Variants in SDK2 observed in about 807,000 individuals in gnomAD.
The protein encoded by SDK2 is protein sidekick-2.
Under a neutral mutation model 253.9 loss-of-function variants are expected in SDK2, and 105 were observed. The ratio of observed to expected loss-of-function variants is 0.41; its 90% confidence interval spans 0.35 to 0.49. The LOEUF is 0.49. SDK2 is among the 20% of genes least tolerant of loss of function. The pLI, the probability that SDK2 is intolerant of heterozygous loss-of-function variation, is 0.06. For synonymous variants in SDK2, 1,249 were observed against 1,234.9 expected (o/e 1.01, Z -0.24); for missense variants, 2,608 against 3,003.0 (o/e 0.87, Z 3.07).
intron 16 of SDK2, among the ~76,000 whole-genome samples, chr17:73,417,797 A>G (rs1256274105): frequency 6.6e-6 from 1 of 152,120 alleles, no homozygotes; most frequent in African/African-American, 2.4e-5. Context: ...TCCACTGGCA[A>G]AAAGAACTCA....
chr17:73,416,214 T>TTTTTTTTTTTTG (rs2063181270), intron 16 of SDK2, among the ~76,000 whole-genome samples: 1 of 150,982 alleles, frequency 6.6e-6, no homozygotes, highest in African/African-American at 2.4e-5. Flanking sequence ...TTTTTTTTTT[T>TTTTTTTTTTTTG]GAGACGGAGT....
Position 73,507,575 on chromosome 17 carries a change from C to T in SDK2, c.87G>A (p.Lys29=), listed in dbSNP as rs2063946081. ...GCACCTGTGTCCGCACAGGCTCTGTCTTGAAATACGGGGACACATCATCTG... is the reference window on the plus strand; with the variant it reads ...GCACCTGTGTCCGCACAGGCTCTGTTTTGAAATACGGGGACACATCATCTG... ...RAQDDVSPYF[K]TEPVRTQVHL... is the part of the protein sequence containing the mutation. The change falls in exon 2 of 45, where the codon AAG becomes AAA. Residue 29 remains lysine, a synonymous_variant. Transcript: ENST00000392650. The T allele has an allele frequency of 2.6e-6, 4 of 1,551,612 alleles. No individual in the cohort carries two copies. The highest frequency in any genetic ancestry group is 1.4e-5 in the African/African-American group (1 of 73,164).
At position 73,507,536 on chromosome 17, in the gene SDK2, G is replaced by A. The variant is rs755561715; in HGVS notation, c.126C>T (p.Asn42=). The A allele has an allele frequency of 5.8e-6, 9 of 1,551,706 alleles. No homozygotes were observed. In the South Asian group the frequency reaches 8.3e-5, roughly 14 times the overall value. The change falls in exon 2 of 45, where the codon AAC becomes AAT. Residue 42 remains asparagine (N), a synonymous_variant. Transcript: ENST00000392650. The stretch of plus-strand genomic sequence containing the variant: ...CGGCCATGCATGTAAGCACCAGGCG[G>A]TTTCCTTCCAAGTGCACCTGTGTCC... The part of the protein sequence containing the change: ...PVRTQVHLEG[N]RLVLTCMAEG...
chr17:73,468,249 T>C (rs1204605073), intron 3 of SDK2, among the ~76,000 whole-genome samples: 3 of 152,200 alleles, frequency 2.0e-5, no homozygotes, highest in African/African-American at 7.2e-5. Flanking sequence ...CTTAAGGTGA[T>C]AATATAGAGT....
Position 73,383,483 on chromosome 17 carries a change from C to T in SDK2, c.4705+393G>A, listed in dbSNP as rs951494654. On this transcript the variant is annotated intron_variant, in intron 33 of 44. Coordinates refer to ENST00000392650, the MANE Select transcript of SDK2 (RefSeq NM_001144952.2). The surrounding 1 kb of genome is among the most constrained non-coding windows in gnomAD (Gnocchi z 4.3). Reference sequence around the variant, plus strand: ...TCCTTCTCATGCACCGGGCTGTCCCCGTCCCTTTGTCCTGGTTAACTTGGC... The same window carrying T: ...TCCTTCTCATGCACCGGGCTGTCCCTGTCCCTTTGTCCTGGTTAACTTGGC... Among the ~76,000 whole-genome samples, 6 of 152,208 alleles carry T rather than the reference C, an allele frequency of 3.9e-5. No homozygotes were observed. In the South Asian group the frequency reaches 6.2e-4, roughly 16 times the overall value.
intron 9 of SDK2, 77 bp from the exon 10 acceptor site, chr17:73,433,925 GC>G: frequency 1.0e-6 from 1 of 1,001,636 alleles, no homozygotes; most frequent in Non-Finnish European, 1.4e-6. Context: ...GGGCCTCCAA[GC>G]CCACCGAGGG....
chr17:73,545,121 A>G (rs902526930), intron 1 of SDK2, among the ~76,000 whole-genome samples: 2 of 150,644 alleles, frequency 1.3e-5, no homozygotes, highest in Non-Finnish European at 3.0e-5. Context: ...ACACACACAC[A>G]CACACAAAGT....
rs2063428361 is a variant in SDK2 at position 73,443,110 on chromosome 17, GGTGACA to G, written c.614-2193_614-2188del. Among the ~76,000 whole-genome samples the G allele has an allele frequency of 2.0e-5, 3 of 152,244 alleles. No homozygotes were observed. The South Asian group carries it at 6.2e-4, about 32-fold the overall frequency. On this transcript the variant is annotated intron_variant, in intron 5 of 44. Transcript: ENST00000392650. This position sits in a 1 kb window ranked among gnomAD's most constrained non-coding sequence, Gnocchi z 4.6. ...GCCATGATGACATGCTGGGCCCTGC[GGTGACA>G]GTGACAGGCTGTTCTTTATGGGGTT...
intron 1 of SDK2, among the ~76,000 whole-genome samples, chr17:73,571,546 G>A (rs138271867): frequency 6.6e-6 from 1 of 152,170 alleles, no homozygotes. Flanking sequence ...CCCCCCGGGC[G>A]CTCTAAGCAG....
chr17:73,361,800 A>G lies in SDK2; in HGVS notation c.5351T>C (p.Leu1784Pro). 1.2e-6 allele frequency: 2 copies of G among 1,608,694 alleles called. No homozygotes were observed. The highest frequency in any genetic ancestry group is 1.1e-5 in the South Asian group (1 of 89,818). The change falls in exon 39 of 45, where the codon CTG becomes CCG. Residue 1784 changes from leucine to proline, a missense_variant. By Grantham distance (98) the Leu-to-Pro change is moderately conservative. Coordinates refer to ENST00000392650, the MANE Select transcript of SDK2 (RefSeq NM_001144952.2). This position sits in a 1 kb window ranked among gnomAD's most constrained non-coding sequence, Gnocchi z 4.1. ...VTVDVKGNSP[L>P]WLKVKDLAEG... ...CGCCAGGTCCTTCACCTTCAGCCAC[A>G]GGGGGCTGTTCCCCTTCACGTCCAC...
At chr17:73,414,803 C>A in intron 17 of SDK2, 44 bp from the exon 18 acceptor site, 1 of 1,250,976 alleles carries the variant, frequency 8.0e-7, no homozygotes, top group South Asian at 1.2e-5. Flanking sequence ...GGGGCCCAGT[C>A]AGTCTCTCTT....
chr17:73,607,564 G>A (rs1284086072), intron 1 of SDK2, among the ~76,000 whole-genome samples: 7 of 152,138 alleles, frequency 4.6e-5, no homozygotes, highest in South Asian at 2.1e-4. Flanking sequence ...AGTAGGCTAC[G>A]GTGTTCAGTT....
chr17:73,406,372 T>G (rs1457422853), intron 18 of SDK2, among the ~76,000 whole-genome samples: 3 of 151,892 alleles, frequency 2.0e-5, no homozygotes. Flanking sequence ...GCCTCCTGAA[T>G]AGCTGGGATT....
chr17:73,348,719 G>A lies in SDK2; in HGVS notation c.6045C>T (p.Pro2015=), dbSNP rs778470756. The A allele has an allele frequency of 6.2e-7, 1 of 1,606,330 alleles. No individual in the cohort carries two copies. Among genetic ancestry groups the A allele is most frequent in the Non-Finnish European group, 8.5e-7 (1 of 1,178,848 alleles). ...GCAGGCTGCCTGGGCTGGGCCTGGG[G>A]GGAGACCTGGAGAGAGCGGGGGAGT... ...CRKNGLYTRS[P]PRPSPGSLHY... The change falls in exon 44 of 45, where the codon CCC becomes CCT. Residue 2015 remains proline, a synonymous_variant. Coordinates refer to ENST00000392650, the MANE Select transcript of SDK2 (RefSeq NM_001144952.2).
Position 73,643,944 on chromosome 17 carries a change from G to T in SDK2, c.64+81C>A. The T allele has an allele frequency of 2.4e-6, 3 of 1,256,976 alleles. No homozygotes were observed. Among genetic ancestry groups the T allele is most frequent in the Non-Finnish European group, 3.4e-6 (3 of 886,576 alleles). 77.9% of individuals were successfully genotyped at this position (1,256,976 alleles called of 1,614,324 possible). On this transcript the variant is annotated intron_variant, in intron 1 of 44. Transcript: ENST00000392650. This position sits in a 1 kb window ranked among gnomAD's most constrained non-coding sequence, Gnocchi z 6.9. ...AGCCGGGTGTCCAGGAGGTCACCGT[G>T]AGGCCGGCCAGCTCCCGCCGCCCCT...
chr17:73,438,631 A>AAGAC (rs34644814), intron 6 of SDK2, among the ~76,000 whole-genome samples: 39,067 of 146,538 alleles, frequency 0.27, 5,509 homozygotes, highest in Non-Finnish European at 0.31. Context: ...AAGGGCAGAC[A>AAGAC]AGACAGACAG....
chr17:73,508,947 A>G (rs116597018), intron 1 of SDK2, among the ~76,000 whole-genome samples: 103 of 152,316 alleles, frequency 6.8e-4, no homozygotes, highest in African/African-American at 2.4e-3. Context: ...AGCACCTACT[A>G]TGTGCCACGG....
chr17:73,406,339 G>C (rs1426120718), intron 18 of SDK2, among the ~76,000 whole-genome samples: 1 of 150,782 alleles, frequency 6.6e-6, no homozygotes, highest in Non-Finnish European at 1.5e-5. Context: ...TGCCTCCCCA[G>C]TTCAAACGAT....
intron 4 of SDK2, among the ~76,000 whole-genome samples, chr17:73,450,245 G>A (rs1178286775): frequency 2.0e-5 from 3 of 152,212 alleles, no homozygotes; most frequent in African/African-American, 7.2e-5. Context: ...CCTCCTTGCT[G>A]GGCCTCAGTT....
Sources: allele counts gnomAD v4.1 joint callset (sites outside exome capture counted in the v4.1 genomes callset), GRCh38; gene constraint gnomAD v4.1.1; non-coding constraint Gnocchi (gnomAD v3.1); transcripts MANE v1.5; gene names NCBI Gene and HGNC (gene_info 2026-07-23, HGNC 2026-07-21).